The following NCAPD3 variants were observed in gnomAD, a reference collection of about 807,000 sequenced individuals.
NCAPD3 encodes non-SMC condensin II complex subunit D3.
A neutral mutation model predicts 182.9 loss-of-function variants in NCAPD3; 105 were observed. The observed-to-expected ratio is 0.57, with a 90% confidence interval of 0.49 to 0.68. The LOEUF (loss-of-function observed/expected upper bound fraction) is 0.68, where lower values mean the gene tolerates loss of function less well. Ranked by LOEUF, NCAPD3 falls within the 30% of genes least tolerant of loss-of-function variation. The pLI is 0.00. For missense variants in NCAPD3, 1,944 were observed against 1,837.0 expected (o/e 1.06, Z -1.07); for synonymous variants, 815 against 679.9 (o/e 1.20, Z -3.09).
chr11:134,156,763 C>G (rs61745226), intron 32 of NCAPD3: 4 of 331,780 alleles, frequency 1.2e-5, no homozygotes, highest in Non-Finnish European at 2.2e-5. Flanking sequence ...TGTGCCTCAA[C>G]GGCATTGTCT....
chr11:134,180,962 C>G, intron 20 of NCAPD3, 115 bp downstream of exon 20: 1 of 701,020 alleles, frequency 1.4e-6, no homozygotes, highest in East Asian at 2.8e-5. Context: ...AAGCTCTAGG[C>G]TAAGACAGCT....
In NCAPD3 at chr11:134,184,987, T is replaced by C. The variant is rs774070919; in HGVS notation, c.2251A>G (p.Asn751Asp). ...WEKISSQQNP[N>D]SNTLGHILCV... ...AGAATATGTCCTAAGGTGTTTGAAT[T>C]GGGATTCTGCTGACTAGAGAAAGGG... Residue 751 changes from asparagine to aspartate, a missense_variant, in exon 18 of 35, where the codon AAT becomes GAT. Coordinates refer to ENST00000534548, the MANE Select transcript of NCAPD3 (RefSeq NM_015261.3). The C allele has an allele frequency of 8.1e-6, 13 of 1,612,990 alleles. No individual in the cohort carries two copies. In the East Asian group the frequency reaches 1.3e-4, roughly 17 times the overall value.
At chr11:134,174,767 G>C (rs1222466211) in intron 24 of NCAPD3, among the ~76,000 whole-genome samples, 3 of 152,198 alleles carry the variant, frequency 2.0e-5, no homozygotes, top group Admixed American at 6.5e-5. Flanking sequence ...ATAAATGTTT[G>C]AGGTGATGGT....
chr11:134,212,322 G>GA (rs1591862321), intron 3 of NCAPD3, among the ~76,000 whole-genome samples: 1 of 151,538 alleles, frequency 6.6e-6, no homozygotes, highest in East Asian at 1.9e-4. Context: ...ATAACATGTA[G>GA]AAAAAATAAC....
intron 27 of NCAPD3, among the ~76,000 whole-genome samples, chr11:134,165,211 C>G (rs144684440): frequency 0.01 from 1,551 of 149,508 alleles, 14 homozygotes; most frequent in Middle Eastern, 0.069. Flanking sequence ...GAGCGGCACA[C>G]TTGTGAGATG....
intron 32 of NCAPD3, 152 bp from the exon 33 acceptor site, chr11:134,153,515 G>C: frequency 1.3e-6 from 1 of 756,122 alleles, no homozygotes; most frequent in Non-Finnish European, 2.3e-6. Context: ...GGGCCTGGCA[G>C]TGTTGAGGGC....
chr11:134,156,990 A>G, intron 32 of NCAPD3, 28 bp downstream of exon 32: 1 of 1,572,986 alleles, frequency 6.4e-7, no homozygotes, highest in Non-Finnish European at 8.7e-7. Flanking sequence ...ACTGAGGAGA[A>G]GCCCACGTGT....
Position 134,169,387 on chromosome 11 carries a change from G to A in NCAPD3, c.3102-333C>T, listed in dbSNP as rs574281384. ...CCCCAAAGCTGCTTCTGCAATCAGAGGCCAGTGGTCTTATAAGACTGATGC... is the reference window on the plus strand; with the variant it reads ...CCCCAAAGCTGCTTCTGCAATCAGAAGCCAGTGGTCTTATAAGACTGATGC... On this transcript the variant is annotated intron_variant, in intron 24 of 34. Transcript: ENST00000534548. Among the ~76,000 whole-genome samples the A allele has an allele frequency of 1.2e-3, 186 of 152,324 alleles. 3 individuals are homozygous for A. In the South Asian group the frequency reaches 0.018, roughly 15 times the overall value.
chr11:134,161,488 T>C (rs1253516177), intron 28 of NCAPD3, among the ~76,000 whole-genome samples: 1 of 152,214 alleles, frequency 6.6e-6, no homozygotes, highest in Non-Finnish European at 1.5e-5. Context: ...GACTGTGTTC[T>C]TGACCCCAGC....
At chr11:134,168,799 C>T (rs1038787453) in intron 25 of NCAPD3, 118 bp downstream of exon 25, 5 of 1,426,854 alleles carry the variant, frequency 3.5e-6, no homozygotes, top group Non-Finnish European at 4.8e-6. Flanking sequence ...TGCCAAGCCA[C>T]AGTAAAGACC....
Position 134,184,884 on chromosome 11 carries a change from T to G in NCAPD3, c.2335+19A>C, listed in dbSNP as rs1174054036. On this transcript the variant is annotated intron_variant, in intron 18 of 34. Coordinates refer to ENST00000534548, the MANE Select transcript of NCAPD3 (RefSeq NM_015261.3). ...AACAGCAATGCATTTTCACATAAGA[T>G]TCTCCAGCAGACACTCACCAGTCAC... 3.8e-6 allele frequency: 6 copies of G among 1,579,290 alleles called. No homozygotes were observed. The highest frequency in any genetic ancestry group is 4.4e-6 in the Non-Finnish European group (5 of 1,149,284).
chr11:134,212,107 C>A (rs1408354686), intron 3 of NCAPD3, among the ~76,000 whole-genome samples: 1 of 152,116 alleles, frequency 6.6e-6, no homozygotes, highest in African/African-American at 2.4e-5. Flanking sequence ...CAAAAAGATT[C>A]TTGAAGGTGA....
Position 134,184,756 on chromosome 11 carries a change from T to C in NCAPD3, c.2336-4A>G, listed in dbSNP as rs1057270267. The C allele has an allele frequency of 1.9e-6, 3 of 1,610,930 alleles. No individual in the cohort carries two copies. The Admixed American group carries it at 5.0e-5, about 27-fold the overall frequency. ...TTCAGCTTACACTTGACAGCATCTA[T>C]GAAGGAAGTCAAAACCCCTGAAGTT... On this transcript the variant is annotated splice_region_variant and splice_polypyrimidine_tract_variant and intron_variant, in intron 18 of 34. Coordinates refer to ENST00000534548, the MANE Select transcript of NCAPD3 (RefSeq NM_015261.3).
intron 2 of NCAPD3, among the ~76,000 whole-genome samples, chr11:134,220,019 C>T (rs1200881862): frequency 1.3e-5 from 2 of 152,106 alleles, no homozygotes; most frequent in Non-Finnish European, 2.9e-5. Flanking sequence ...TGGTCTTGAA[C>T]TCCTGACTTC....
In NCAPD3 at chr11:134,151,442, TA is replaced by T. The variant is rs1418151480; in HGVS notation, c.*1501del. 6.6e-6 allele frequency: 1 copy of T among 152,226 alleles called. No homozygotes were observed. The highest frequency in any genetic ancestry group is 1.5e-5 in the Non-Finnish European group (1 of 68,034). The allele number at this position is 152,226 out of a possible 1,614,324, so 9.4% of individuals were successfully genotyped here. A position where few individuals can be genotyped will look rare whatever the true frequency, so the allele number is the denominator to read the frequency against. On this transcript the variant is annotated 3_prime_UTR_variant, in exon 35 of 35. Coordinates refer to ENST00000534548, the MANE Select transcript of NCAPD3 (RefSeq NM_015261.3). ...GCCTCCTTCTTGGTTGTCATAGTGA[TA>T]GGGTAGCCTTATTGCCCCCTCTTCT...
intron 16 of NCAPD3, among the ~76,000 whole-genome samples, chr11:134,187,804 A>C (rs1041903437): frequency 1.1e-4 from 16 of 152,194 alleles, no homozygotes; most frequent in Non-Finnish European, 2.4e-4. Flanking sequence ...CAACTGGAGG[A>C]GAGGAAGTGC....
chr11:134,186,588 C>T (rs762260361), intron 16 of NCAPD3, among the ~76,000 whole-genome samples: 1 of 152,196 alleles, frequency 6.6e-6, no homozygotes, highest in Non-Finnish European at 1.5e-5. Flanking sequence ...ATTCATGAGA[C>T]AATGCCATAT....
At chr11:134,185,114 T>TA in intron 17 of NCAPD3, 114 bp from the exon 18 acceptor site, 1 of 959,998 alleles carries the variant, frequency 1.0e-6, no homozygotes, top group Non-Finnish European at 1.7e-6. Flanking sequence ...TAGCATGGCT[T>TA]AGGAGTCAAG....
In NCAPD3 at chr11:134,204,754, C is replaced by A; in HGVS notation, c.1089+145G>T. 1.6e-6 allele frequency: 1 copy of A among 624,930 alleles called. No individual in the cohort carries two copies. 38.7% of individuals were successfully genotyped at this position (624,930 alleles called of 1,614,324 possible). A position where few individuals can be genotyped will look rare whatever the true frequency, so the allele number is the denominator to read the frequency against. ...AGAACACTTTTGTCTAGGGGACCAT[C>A]TAGTGAACATTAAATAAAACCACTT... is the stretch of plus-strand genomic sequence containing the variant. On this transcript the variant is annotated intron_variant, in intron 9 of 34. Coordinates refer to ENST00000534548, the MANE Select transcript of NCAPD3 (RefSeq NM_015261.3). This position sits in a 1 kb window ranked among gnomAD's most constrained non-coding sequence, Gnocchi z 4.3.
Sources: allele counts gnomAD v4.1 joint callset (sites outside exome capture counted in the v4.1 genomes callset), GRCh38; gene constraint gnomAD v4.1.1; non-coding constraint Gnocchi (gnomAD v3.1); transcripts MANE v1.5; gene names NCBI Gene and HGNC (gene_info 2026-07-23, HGNC 2026-07-21).